Variants in ABCB6 observed in about 807,000 individuals in gnomAD.
The protein encoded by ABCB6 is ATP-binding cassette sub-family B member 6.
In ABCB6, 87 loss-of-function variants were observed where a neutral mutation model predicts 99.4. The ratio of observed to expected loss-of-function variants is 0.88; its 90% CI spans 0.74 to 1.05. The LOEUF is 1.05. Among genes scored for constraint, ABCB6 ranks in the 50% least tolerant of loss-of-function variants. The pLI, the probability that ABCB6 is intolerant of heterozygous loss-of-function variation, is 0.00. For missense variants in ABCB6, 1,050 were observed against 1,097.9 expected, an observed-to-expected ratio of 0.96 and a Z score of 0.62; for synonymous variants, 482 against 447.5, an observed-to-expected ratio of 1.08 and a Z score of -0.97.
intron 18 of ABCB6, 29 bp downstream of exon 18, chr2:219,210,201 C>A (rs772837275): frequency 6.2e-7 from 1 of 1,613,676 alleles, no homozygotes; most frequent in East Asian, 2.2e-5. Context: ...ATTCAGAAGA[C>A]CTGTCCTTTT....
At position 219,213,007 on chromosome 2, in the gene ABCB6, C is replaced by T; in HGVS notation, c.1863+1G>A. 6.2e-7 allele frequency: 1 copy of T among 1,613,926 alleles called. No homozygotes were observed. The highest frequency in any genetic ancestry group is 8.5e-7 in the Non-Finnish European group (1 of 1,179,904). On this transcript the variant is annotated splice_donor_variant, in intron 13 of 18. Coordinates refer to ENST00000265316, the MANE Select transcript of ABCB6 (RefSeq NM_005689.4). LOFTEE classifies it high-confidence loss of function. ...GGCCAAGTGGCTGGGTCTCCTCTCA[C>T]CAGGGCAAGTGTCTGTCCAGGCATC...
Position 219,213,496 on chromosome 2 carries a change from GATCATCCTGCAAAAAGGTGCTGGTT to G in ABCB6, c.1656-19_1661del, listed in dbSNP as rs904628890. 1 of 1,614,052 alleles carries G rather than the reference GATCATCCTGCAAAAAGGTGCTGGTT, an allele frequency of 6.2e-7. No individual in the cohort carries two copies. The highest frequency in any genetic ancestry group is 8.5e-7 in the Non-Finnish European group (1 of 1,180,042). ...TCTCCATGTCAATGAAGTTGGTCTG[GATCATCCTGCAAAAAGGTGCTGGTT>G]AGGACTTCTCTGAGTAGCCAGGAAA... On this transcript the variant is annotated splice_acceptor_variant and splice_polypyrimidine_tract_variant and coding_sequence_variant and intron_variant, in exon 11 of 19. Coordinates refer to ENST00000265316, the MANE Select transcript of ABCB6 (RefSeq NM_005689.4). LOFTEE classifies it high-confidence loss of function.
In ABCB6 at chr2:219,209,917, AG is replaced by A. The variant is rs1559233733; in HGVS notation, c.*20del. On this transcript the variant is annotated 3_prime_UTR_variant, in exon 19 of 19. Transcript: ENST00000265316. ...ATTCCCTTCTGGGTTAGTCTTTGAG[AG>A]GGAAGTGGCCAAACTTTTGTCACCG... The A allele has an allele frequency of 6.3e-7, 1 of 1,584,864 alleles. No homozygotes were observed. Among genetic ancestry groups the A allele is most frequent in the Non-Finnish European group, 8.7e-7 (1 of 1,153,440 alleles).
At chr2:219,217,553 A>C (rs937318642) in intron 2 of ABCB6, 117 bp downstream of exon 2, 139 of 781,570 alleles carry the variant, frequency 1.8e-4, no homozygotes, top group Non-Finnish European at 2.8e-4. Context: ...CTGAGGCAGG[A>C]GAATCGCTTG....
chr2:219,218,265 C>T lies in ABCB6; in HGVS notation c.409G>A (p.Ala137Thr). 2 of 1,613,358 alleles carry T rather than the reference C, an allele frequency of 1.2e-6. No individual in the cohort carries two copies. Among genetic ancestry groups the T allele is most frequent in the Non-Finnish European group, 1.7e-6 (2 of 1,180,036 alleles). ...CTGAACTTGATCCAGATGCCCATTG[C>T]CAGACGCTGCCGTGCCTGGCTCCGC... ...VERSQARQRL[A>T]MGIWIKFRHS... Residue 137 changes from alanine (A) to threonine (T), a missense_variant, in exon 1 of 19, where the codon GCA (alanine) becomes ACA (threonine). By Grantham distance (58) the Ala-to-Thr change is moderately conservative (BLOSUM62 0). Transcript: ENST00000265316.
intron 14 of ABCB6, 85 bp from the exon 15 acceptor site, chr2:219,211,193 A>G: frequency 2.0e-6 from 3 of 1,465,500 alleles, no homozygotes; most frequent in Non-Finnish European, 1.9e-6. Context: ...AGCACGTGGG[A>G]TAAGAGGCTG....
intron 13 of ABCB6, 97 bp from the exon 14 acceptor site, chr2:219,212,588 TCTC>T: frequency 2.2e-6 from 2 of 890,200 alleles, no homozygotes; most frequent in Non-Finnish European, 3.6e-6. Flanking sequence ...AATGGCGCGA[TCTC>T]AGCTCACTAG....
At position 219,217,676 on chromosome 2, in the gene ABCB6, C is replaced by T. The variant is rs1478336311; in HGVS notation, c.681G>A (p.Arg227=). Residue 227 remains arginine, a synonymous_variant, in exon 2 of 19, where the codon AGG becomes AGA. Coordinates refer to ENST00000265316, the MANE Select transcript of ABCB6 (RefSeq NM_005689.4). Reference sequence around the variant, plus strand: ...AAAAGAAACTGAGGTGTACCTGGCTCCTTTCCACATCTTGGTCCTCTTCAT... The same window carrying T: ...AAAAGAAACTGAGGTGTACCTGGCTTCTTTCCACATCTTGGTCCTCTTCAT... ...QVHEEDQDVE[R]SQVRSAAQQS... The T allele has an allele frequency of 1.9e-6, 3 of 1,600,544 alleles. No individual in the cohort carries two copies. In the African/African-American group the frequency reaches 4.1e-5, roughly 22 times the overall value.
chr2:219,218,055 G>A lies in ABCB6; in HGVS notation c.549+70C>T, dbSNP rs529231900. The A allele has an allele frequency of 2.1e-5, 32 of 1,514,688 alleles. No individual in the cohort carries two copies. In the African/African-American group the frequency reaches 4.3e-4, roughly 20 times the overall value. The allele number at this position is 1,514,688 out of a possible 1,614,324, so 93.8% of individuals were successfully genotyped here. On this transcript the variant is annotated intron_variant, in intron 1 of 18. Coordinates refer to ENST00000265316, the MANE Select transcript of ABCB6 (RefSeq NM_005689.4). ...GCATCCTAAAGCCTGGAAGCAGTGTGACTGGACATGCAGTGCTTTCTCCCA... is the reference window on the plus strand; with the variant it reads ...GCATCCTAAAGCCTGGAAGCAGTGTAACTGGACATGCAGTGCTTTCTCCCA...
At chr2:219,211,179 C>T (rs1049225982) in intron 14 of ABCB6, 71 bp from the exon 15 acceptor site, 17 of 1,557,630 alleles carry the variant, frequency 1.1e-5, no homozygotes, top group South Asian at 5.6e-5. Context: ...GTGGGCTGGC[C>T]GGAAGCACGT....
In ABCB6 at chr2:219,210,298, C is replaced by G. The variant is rs760121226; in HGVS notation, c.2352G>C (p.Arg784Ser). 9 of 1,614,232 alleles carry G rather than the reference C, an allele frequency of 5.6e-6. No homozygotes were observed. The highest frequency in any genetic ancestry group is 2.7e-5 in the African/African-American group (2 of 75,054). Reference sequence around the variant, plus strand: ...GGTCAGCATTGACCACAGTTGAGAGCCTGAGAAGTCAAAGATCAGTCGCCT... The same window carrying G: ...GGTCAGCATTGACCACAGTTGAGAGGCTGAGAAGTCAAAGATCAGTCGCCT... Reference protein sequence around the residue: ...ANRTTIVVAHRLSTVVNADQI... With the variant: ...ANRTTIVVAHSLSTVVNADQI... Residue 784 changes from arginine (R) to serine (S), a missense_variant and splice_region_variant, in exon 18 of 19, where the codon AGG becomes AGC. Arg to Ser is a moderately radical substitution (Grantham distance 110). Coordinates refer to ENST00000265316, the MANE Select transcript of ABCB6 (RefSeq NM_005689.4).
chr2:219,216,211 G>T lies in ABCB6; in HGVS notation c.971-31C>A. On this transcript the variant is annotated intron_variant, in intron 4 of 18. Coordinates refer to ENST00000265316, the MANE Select transcript of ABCB6 (RefSeq NM_005689.4). The surrounding 1 kb of genome is among the most constrained non-coding windows in gnomAD (Gnocchi z 4.2). ...GGGAGCCGGGGGACGCCTCAGTAGG[G>T]CCTGGGAGCTGAGGGACGTCAGCCC... 6.4e-7 allele frequency: 1 copy of T among 1,571,828 alleles called. No homozygotes were observed. Among genetic ancestry groups the T allele is most frequent in the Non-Finnish European group, 8.7e-7 (1 of 1,155,014 alleles).
intron 1 of ABCB6, 121 bp downstream of exon 1, chr2:219,218,004 C>T: frequency 1.4e-6 from 2 of 1,392,038 alleles, no homozygotes; most frequent in Non-Finnish European, 9.6e-7. Flanking sequence ...CAGGACTCAG[C>T]CCCTCCCTTC....
chr2:219,217,116 T>A (rs1950651287), intron 2 of ABCB6, among the ~76,000 whole-genome samples: 1 of 152,166 alleles, frequency 6.6e-6, no homozygotes, highest in Admixed American at 6.6e-5. Flanking sequence ...CCCAGCACTT[T>A]GGGAGTCCGA....
chr2:219,215,862 T>A, intron 5 of ABCB6, 135 bp downstream of exon 5: 1 of 957,214 alleles, frequency 1.0e-6, no homozygotes, highest in Non-Finnish European at 1.5e-6. Flanking sequence ...ATGTATACAA[T>A]AATCCTATAC....
chr2:219,216,647 C>A lies in ABCB6; in HGVS notation c.868+5G>T, dbSNP rs1263330026. On this transcript the variant is annotated splice_donor_5th_base_variant and intron_variant, in intron 3 of 18. Coordinates refer to ENST00000265316, the MANE Select transcript of ABCB6 (RefSeq NM_005689.4). The surrounding 1 kb of genome is among the most constrained non-coding windows in gnomAD (Gnocchi z 4.2). ...GCACACTGAGCTGGTGCTCCTCCTGCTCACCAATGTTCCTATAGAATATAG... is the reference window on the plus strand; with the variant it reads ...GCACACTGAGCTGGTGCTCCTCCTGATCACCAATGTTCCTATAGAATATAG... The A allele has an allele frequency of 6.4e-7, 1 of 1,553,354 alleles. No homozygotes were observed. The highest frequency in any genetic ancestry group is 8.7e-7 in the Non-Finnish European group (1 of 1,147,724).
At chr2:219,214,587 A>G in intron 6 of ABCB6, 89 bp from the exon 7 acceptor site, 1 of 977,514 alleles carries the variant, frequency 1.0e-6, no homozygotes, top group South Asian at 1.4e-5. Flanking sequence ...CCATGTACAC[A>G]CTAAGCCTAT....
intron 5 of ABCB6, 56 bp from the exon 6 acceptor site, chr2:219,215,138 C>T: frequency 1.9e-6 from 3 of 1,609,522 alleles, no homozygotes; most frequent in Non-Finnish European, 2.5e-6. Context: ...CCCAGCAACC[C>T]TGCCTCTAGG....
In ABCB6 at chr2:219,210,840, C is replaced by G; in HGVS notation, c.2144-17G>C. On this transcript the variant is annotated splice_polypyrimidine_tract_variant and intron_variant, in intron 15 of 18. Transcript: ENST00000265316. ...TCCTGTACCCTGTGGATATTACCCA[C>G]CACACGTTTCTTACGAAACGGAGGG... 6.2e-7 allele frequency: 1 copy of G among 1,613,766 alleles called. No individual in the cohort carries two copies. Among genetic ancestry groups the G allele is most frequent in the Non-Finnish European group, 8.5e-7 (1 of 1,179,880 alleles).
Sources: allele counts gnomAD v4.1 joint callset (sites outside exome capture counted in the v4.1 genomes callset), GRCh38; gene constraint gnomAD v4.1.1; non-coding constraint Gnocchi (gnomAD v3.1); transcripts MANE v1.5; gene names NCBI Gene and HGNC (gene_info 2026-07-23, HGNC 2026-07-21).